The following NXPH1 variants were observed in gnomAD, a reference collection of about 807,000 sequenced individuals.
NXPH1 encodes neurexophilin-1.
A neutral mutation model predicts 23.7 loss-of-function variants in NXPH1; 5 were observed. The ratio of observed to expected loss-of-function variants is 0.21; its 90% CI spans 0.11 to 0.44. NXPH1 has a LOEUF of 0.44. Ranked by LOEUF, NXPH1 falls within the 20% of genes least tolerant of loss-of-function variation. The probability of loss-of-function intolerance (pLI) is 0.99; values close to 1 mark genes in which losing one functional copy is unlikely to be tolerated. For missense variants in NXPH1, 324 were observed against 321.6 expected, an observed-to-expected ratio of 1.01 and a Z score of -0.06; for synonymous variants, 144 against 122.2, an observed-to-expected ratio of 1.18 and a Z score of -1.18.
rs143851751 is a variant in NXPH1, at chr7:8,474,284, G to A, written c.54+38517G>A. Among the ~76,000 whole-genome samples, 535 of 152,098 alleles carry A rather than the reference G, an allele frequency of 3.5e-3. 3 individuals are homozygous for A. The highest frequency in any genetic ancestry group is 5.9e-3 in the Non-Finnish European group (404 of 67,968). On this transcript the variant is annotated intron_variant, in intron 2 of 2. Coordinates refer to ENST00000405863, the MANE Select transcript of NXPH1 (RefSeq NM_152745.3). ...CTCTTCAGTTGGTGCAAACAATTTT[G>A]ATCAGTTTCTATCAAATGGGTGCTG... is the stretch of plus-strand genomic sequence containing the variant.
chr7:8,655,272 C>T (rs1820556104), intron 2 of NXPH1, among the ~76,000 whole-genome samples: 1 of 151,992 alleles, frequency 6.6e-6, no homozygotes, highest in Admixed American at 6.6e-5. Context: ...ATAGTCTTAG[C>T]TACTTGGGAG....
intron 2 of NXPH1, among the ~76,000 whole-genome samples, chr7:8,522,938 A>G (rs1197311014): frequency 1.3e-5 from 2 of 152,244 alleles, no homozygotes; most frequent in Admixed American, 1.3e-4. Context: ...ATGGAGACAG[A>G]TGAACCTGAA....
chr7:8,537,367 A>G (rs1403919710), intron 2 of NXPH1, among the ~76,000 whole-genome samples: 1 of 151,968 alleles, frequency 6.6e-6, no homozygotes, highest in Non-Finnish European at 1.5e-5. Flanking sequence ...AAGAGGTTTA[A>G]TTGACAATTT....
intron 2 of NXPH1, among the ~76,000 whole-genome samples, chr7:8,543,997 C>T (rs1242476631): frequency 6.6e-6 from 1 of 151,502 alleles, no homozygotes; most frequent in Non-Finnish European, 1.5e-5. Context: ...AGTGACTTAA[C>T]CGAGTTCATA....
intron 2 of NXPH1, among the ~76,000 whole-genome samples, chr7:8,725,080 T>C (rs189214974): frequency 2.0e-5 from 3 of 152,328 alleles, no homozygotes; most frequent in South Asian, 2.1e-4. Context: ...GAATGGATGT[T>C]ACCTTCTTAG....
chr7:8,619,811 A>G (rs1386578564), intron 2 of NXPH1, among the ~76,000 whole-genome samples: 2 of 152,180 alleles, frequency 1.3e-5, no homozygotes, highest in Non-Finnish European at 2.9e-5. Context: ...GTTTTCAGTA[A>G]TTCTGTGAGG....
intron 2 of NXPH1, among the ~76,000 whole-genome samples, chr7:8,735,715 C>T (rs367644896): frequency 1.3e-5 from 2 of 152,142 alleles, no homozygotes; most frequent in East Asian, 1.9e-4. Context: ...AGGAATGGTA[C>T]CAGCTTCTCT....
At chr7:8,560,056 C>T (rs1254977591) in intron 2 of NXPH1, among the ~76,000 whole-genome samples, 9 of 151,708 alleles carry the variant, frequency 5.9e-5, no homozygotes, top group Admixed American at 3.9e-4. Flanking sequence ...GACTCCTTTT[C>T]ATTTTACTTT....
intron 2 of NXPH1, among the ~76,000 whole-genome samples, chr7:8,707,630 A>T (rs1779724901): frequency 6.6e-6 from 1 of 152,050 alleles, no homozygotes; most frequent in South Asian, 2.1e-4. Context: ...ATCCATCAGG[A>T]TCTGTAGGTC....
intron 2 of NXPH1, among the ~76,000 whole-genome samples, chr7:8,543,482 C>T (rs1307118452): frequency 1.3e-5 from 2 of 151,488 alleles, no homozygotes; most frequent in Admixed American, 1.3e-4. Context: ...ATTATAATTA[C>T]TTGGGGGTGA....
intron 2 of NXPH1, among the ~76,000 whole-genome samples, chr7:8,508,460 C>A (rs901958313): frequency 2.0e-5 from 3 of 152,068 alleles, no homozygotes; most frequent in African/African-American, 4.8e-5. Context: ...TTGAACAGTG[C>A]CTCTTACATA....
intron 2 of NXPH1, among the ~76,000 whole-genome samples, chr7:8,744,467 A>G (rs1340995172): frequency 1.3e-5 from 2 of 152,136 alleles, no homozygotes; most frequent in Non-Finnish European, 2.9e-5. Context: ...ACTTCTGATG[A>G]TCAACTGGCT....
At chr7:8,480,616 G>A (rs1047489763) in intron 2 of NXPH1, among the ~76,000 whole-genome samples, 6 of 152,152 alleles carry the variant, frequency 3.9e-5, no homozygotes, top group Admixed American at 3.9e-4. Flanking sequence ...TGCCCTAAGT[G>A]GCTTAGTCAT....
At chr7:8,694,844 G>A (rs922387212) in intron 2 of NXPH1, among the ~76,000 whole-genome samples, 1 of 152,124 alleles carries the variant, frequency 6.6e-6, no homozygotes, top group Non-Finnish European at 1.5e-5. Context: ...AAAAGTTGAA[G>A]AAAATGAGAA....
intron 2 of NXPH1, among the ~76,000 whole-genome samples, chr7:8,747,821 T>A (rs137868836): frequency 5.3e-5 from 8 of 152,338 alleles, no homozygotes; most frequent in African/African-American, 1.7e-4. Flanking sequence ...TTTTTACTGA[T>A]TAATGTTAGT....
chr7:8,582,369 G>C (rs1047044986), intron 2 of NXPH1, among the ~76,000 whole-genome samples: 1 of 152,166 alleles, frequency 6.6e-6, no homozygotes, highest in Non-Finnish European at 1.5e-5. Context: ...TTCTTGTCCT[G>C]TGACCAGGAA....
chr7:8,693,715 C>T (rs1201841286), intron 2 of NXPH1, among the ~76,000 whole-genome samples: 2 of 152,130 alleles, frequency 1.3e-5, no homozygotes, highest in African/African-American at 4.8e-5. Context: ...TATATTATTA[C>T]TGTTCATCTT....
intron 2 of NXPH1, among the ~76,000 whole-genome samples, chr7:8,461,432 T>C (rs924067442): frequency 2.6e-5 from 4 of 152,210 alleles, no homozygotes; most frequent in Non-Finnish European, 5.9e-5. Context: ...AGGAAGCCTT[T>C]GTAGAGACTC....
At chr7:8,473,366 C>T (rs1816905889) in intron 2 of NXPH1, among the ~76,000 whole-genome samples, 1 of 152,132 alleles carries the variant, frequency 6.6e-6, no homozygotes, top group African/African-American at 2.4e-5. Flanking sequence ...CTTTTTCCCA[C>T]TGCTATTGAT....
Sources: gnomAD v4.1 joint callset for allele counts (sites outside exome capture counted in the v4.1 genomes callset) on GRCh38, gnomAD v4.1.1 for gene constraint, MANE v1.5 for transcripts, NCBI Gene and HGNC (gene_info 2026-07-23, HGNC 2026-07-21) for gene names.